NR3C1: variants seen among roughly 807,000 people sequenced by gnomAD.
The protein encoded by NR3C1 is nuclear receptor subfamily 3 group C member 1, also known as glucocorticoid receptor.
In NR3C1, 14 loss-of-function variants were observed where a neutral mutation model predicts 74.0. The ratio of observed to expected loss-of-function variants is 0.19; its 90% CI spans 0.12 to 0.30. The LOEUF (loss-of-function observed/expected upper bound fraction) is 0.30. Among genes scored for constraint, NR3C1 ranks in the 10% least tolerant of loss-of-function variants. The pLI, the probability that NR3C1 is intolerant of heterozygous loss-of-function variation, is 1.00. For synonymous variants in NR3C1, 308 were observed against 332.5 expected, an observed-to-expected ratio of 0.93 and a Z score of 0.80; for missense variants, 695 against 909.8, an observed-to-expected ratio of 0.76 and a Z score of 3.04.
chr5:143,297,531 A>AT (rs1413336993), intron 6 of NR3C1, among the ~76,000 whole-genome samples: 4 of 152,346 alleles, frequency 2.6e-5, no homozygotes, highest in African/African-American at 9.6e-5. Context: ...TTAATTTAAA[A>AT]TTGGATCCAA....
At position 143,282,009 on chromosome 5, in the gene NR3C1, T is replaced by C. The variant is rs199578683; in HGVS notation, c.2214A>G (p.Gln738=). The C allele has an allele frequency of 1.5e-5, 25 of 1,613,672 alleles. No individual in the cohort carries two copies. Among genetic ancestry groups the C allele is most frequent in the East Asian group, 4.5e-5 (2 of 44,806 alleles). ...VVENLLNYCF[Q]TFLDKTMSIE... is the part of the protein sequence containing the mutation. Reference sequence around the variant, plus strand: ...TACTCATGGTCTTATCCAAAAATGTTTGGAAGCAATAGTTAAGGAGATTTT... The same window carrying C: ...TACTCATGGTCTTATCCAAAAATGTCTGGAAGCAATAGTTAAGGAGATTTT... Residue 738 remains glutamine, a synonymous_variant, in exon 9 of 9, where the codon CAA becomes CAG. Transcript: ENST00000394464.
intron 2 of NR3C1, among the ~76,000 whole-genome samples, chr5:143,358,913 A>G (rs1561663362): frequency 6.6e-6 from 1 of 152,128 alleles, no homozygotes; most frequent in South Asian, 2.1e-4. Context: ...AAAAAAAAAA[A>G]ATTAAATCTT....
chr5:143,288,120 T>G (rs1268354083), intron 7 of NR3C1, among the ~76,000 whole-genome samples: 1 of 147,440 alleles, frequency 6.8e-6, no homozygotes, highest in South Asian at 2.1e-4. Flanking sequence ...CAACTGGAAT[T>G]TTTTTTTTTT....
chr5:143,316,960 A>G (rs1822230775), intron 2 of NR3C1, among the ~76,000 whole-genome samples: 1 of 152,166 alleles, frequency 6.6e-6, no homozygotes. Flanking sequence ...AAAATGAACA[A>G]ATGGATTGAT....
At chr5:143,402,781 G>T (rs1600636321) in intron 1 of NR3C1, 4 of 985,430 alleles carry the variant, frequency 4.1e-6, no homozygotes, top group East Asian at 1.1e-4. Context: ...GGGCGCGCCG[G>T]GGTGGCGTGC....
At chr5:143,406,369 G>A (rs544015674), upstream of NR3C1, among the ~76,000 whole-genome samples, 14 of 144,470 alleles carry the variant, frequency 9.7e-5, no homozygotes, top group Non-Finnish European at 1.7e-4. Flanking sequence ...GGAAGAATAC[G>A]TAGTTTTAAA....
At chr5:143,402,876 G>T (rs867646855) in intron 1 of NR3C1, 4 of 969,860 alleles carry the variant, frequency 4.1e-6, no homozygotes, top group Non-Finnish European at 3.7e-6. Context: ...AGGGAAAGGG[G>T]ACACTAGGGG....
chr5:143,325,365 T>G (rs928923753), intron 2 of NR3C1, among the ~76,000 whole-genome samples: 1 of 152,122 alleles, frequency 6.6e-6, no homozygotes, highest in African/African-American at 2.4e-5. Flanking sequence ...ATCACGAGAA[T>G]AGCAAGGGAA....
At chr5:143,387,534 T>C (rs1271544449) in intron 2 of NR3C1, among the ~76,000 whole-genome samples, 2 of 152,250 alleles carry the variant, frequency 1.3e-5, no homozygotes. Context: ...ATTTTGTGGC[T>C]GCTCTCTTTG....
Position 143,400,574 on chromosome 5 carries a change from T to C in NR3C1, c.266A>G (p.Tyr89Cys), listed in dbSNP as rs200468789. Reference protein sequence around the residue: ...SKAVSLSMGLYMGETETKVMG... With the variant: ...SKAVSLSMGLCMGETETKVMG... Reference sequence around the variant, plus strand: ...CACTTTTGTTTCTGTCTCTCCCATATACAGTCCCATTGAGAGTGAAACTGC... The same window carrying C: ...CACTTTTGTTTCTGTCTCTCCCATACACAGTCCCATTGAGAGTGAAACTGC... The change falls in exon 2 of 9, where the codon TAT becomes TGT. Residue 89 changes from tyrosine to cysteine, a missense_variant. This residue lies in a region of NR3C1 where 497 missense variants were observed against 489.5 expected (regional missense o/e 1.02). Transcript: ENST00000394464. The C allele has an allele frequency of 5.8e-5, 93 of 1,614,250 alleles. No homozygotes were observed. The highest frequency in any genetic ancestry group is 3.3e-4 in the African/African-American group (25 of 75,074).
intron 1 of NR3C1, among the ~76,000 whole-genome samples, chr5:143,414,136 A>G (rs1308199636): frequency 1.3e-5 from 2 of 152,354 alleles, no homozygotes; most frequent in Non-Finnish European, 2.9e-5. Flanking sequence ...CAAATGTTAC[A>G]CAAATGAATT....
At chr5:143,433,373 C>T (rs1231088843) in intron 1 of NR3C1, among the ~76,000 whole-genome samples, 3 of 39,128 alleles carry the variant, frequency 7.7e-5, no homozygotes, top group Non-Finnish European at 2.1e-4. Flanking sequence ...CAGCTAGTAG[C>T]TGATGGAAAC....
chr5:143,302,281 C>A (rs1818660831), intron 4 of NR3C1, among the ~76,000 whole-genome samples: 1 of 152,100 alleles, frequency 6.6e-6, no homozygotes, highest in African/African-American at 2.4e-5. Flanking sequence ...ATTACCTCAA[C>A]TTGCAGGAGA....
At chr5:143,307,831 G>T (rs1280092150) in intron 4 of NR3C1, among the ~76,000 whole-genome samples, 3 of 152,158 alleles carry the variant, frequency 2.0e-5, no homozygotes, top group Non-Finnish European at 2.9e-5. Context: ...CAGAGATCTG[G>T]TATCTAAGAA....
intron 2 of NR3C1, among the ~76,000 whole-genome samples, chr5:143,338,957 T>C (rs2151735281): frequency 6.6e-6 from 1 of 152,332 alleles, no homozygotes; most frequent in East Asian, 1.9e-4. Context: ...TTGTACCTTT[T>C]CTATGTTTAG....
In NR3C1 at chr5:143,392,254, C is replaced by T. The variant is rs751719914; in HGVS notation, c.1184+7402G>A. On this transcript the variant is annotated intron_variant, in intron 2 of 8. Transcript: ENST00000394464. ...TGCTGGGATTACAGGCGTGAGCCACCGCGCCTGGCCTAATGCTTTTTAATT... is the reference window on the plus strand; with the variant it reads ...TGCTGGGATTACAGGCGTGAGCCACTGCGCCTGGCCTAATGCTTTTTAATT... Among the ~76,000 whole-genome samples the T allele has an allele frequency of 3.9e-5, 6 of 152,260 alleles. No individual in the cohort carries two copies. In the South Asian group the frequency reaches 8.3e-4, roughly 21 times the overall value.
At chr5:143,368,618 T>C (rs993718640) in intron 2 of NR3C1, among the ~76,000 whole-genome samples, 5 of 150,690 alleles carry the variant, frequency 3.3e-5, no homozygotes, top group African/African-American at 1.2e-4. Context: ...GGGCAAAGAA[T>C]GTTAAAGACA....
chr5:143,368,220 C>T (rs1054885597), intron 2 of NR3C1, among the ~76,000 whole-genome samples: 1 of 152,108 alleles, frequency 6.6e-6, no homozygotes, highest in Admixed American at 6.5e-5. Flanking sequence ...CTACTTCACA[C>T]CATATACACA....
At chr5:143,358,631 G>A (rs1469426430) in intron 2 of NR3C1, among the ~76,000 whole-genome samples, 2 of 152,174 alleles carry the variant, frequency 1.3e-5, no homozygotes, top group African/African-American at 4.8e-5. Context: ...GCCGGGCGCG[G>A]TGGCTCACGC....
Sources: allele counts gnomAD v4.1 joint callset (sites outside exome capture counted in the v4.1 genomes callset), GRCh38; gene constraint gnomAD v4.1.1; regional missense constraint gnomAD v4.1.1; transcripts MANE v1.5; gene names NCBI Gene and HGNC (gene_info 2026-07-23, HGNC 2026-07-21).